CTNNA2: variants seen among roughly 807,000 people sequenced by gnomAD.
CTNNA2 encodes catenin alpha-2.
In CTNNA2, 42 loss-of-function variants were observed where a neutral mutation model predicts 101.0. That is an observed-to-expected ratio of 0.42 (90% CI 0.32 to 0.54). The LOEUF is 0.54. CTNNA2 is among the 20% of genes least tolerant of loss of function. The probability of loss-of-function intolerance (pLI) is 0.14; values close to 1 mark genes in which losing one functional copy is unlikely to be tolerated. For missense variants in CTNNA2, 871 were observed against 1,223.1 expected (o/e 0.71, Z 4.29); for synonymous variants, 450 against 456.4 (o/e 0.99, Z 0.18).
chr2:79,964,017 T>C (rs1689845429), intron 7 of CTNNA2, among the ~76,000 whole-genome samples: 7 of 152,140 alleles, frequency 4.6e-5, no homozygotes, highest in Admixed American at 4.6e-4. Context: ...AAATTTAACA[T>C]CAAACCTGTG....
intron 14 of CTNNA2, among the ~76,000 whole-genome samples, chr2:80,584,199 C>G (rs910471927): frequency 6.6e-6 from 1 of 152,080 alleles, no homozygotes; most frequent in African/African-American, 2.4e-5. Context: ...ATTTGCTCTT[C>G]CCTGCAGCAA....
In CTNNA2 at chr2:80,642,478, A is replaced by G. The variant is rs182733206; in HGVS notation, c.2575-5107A>G. Among the ~76,000 whole-genome samples, 284 of 152,320 alleles carry G rather than the reference A, an allele frequency of 1.9e-3. 3 individuals carry two copies. Among genetic ancestry groups the G allele is most frequent in the Non-Finnish European group, 7.9e-4 (54 of 68,034 alleles). On this transcript the variant is annotated intron_variant, in intron 18 of 18. Coordinates refer to ENST00000402739, the MANE Select transcript of CTNNA2 (RefSeq NM_001282597.3). ...CACTTAAGCACAGTAGTTGGCAGAA[A>G]GTATTCAGTAGGTGTCTGAAGAAAT...
In CTNNA2 at chr2:79,282,830, C is replaced by T. The variant is rs1208973705; in HGVS notation, c.-405-29879C>T. Among the ~76,000 whole-genome samples the T allele has an allele frequency of 1.7e-4, 18 of 104,334 alleles. 3 individuals are homozygous for T. The highest frequency in any genetic ancestry group is 4.8e-4 in the African/African-American group (17 of 35,760). 68.4% of individuals were successfully genotyped at this position (104,334 alleles called of 152,430 possible). A position where few individuals can be genotyped will look rare whatever the true frequency, so the allele number is the denominator to read the frequency against. On this transcript the variant is annotated intron_variant, in intron 2 of 21. Coordinates refer to the CTNNA2 transcript ENST00000466387. ...TAGTTCTAGATCCCTGAGGAATCAC[C>T]ACACTGACTTCCACAATGGTTGAAC... is the stretch of plus-strand genomic sequence containing the variant.
chr2:80,640,117 CAAAA>C (rs374266410), intron 18 of CTNNA2, among the ~76,000 whole-genome samples: 1 of 151,746 alleles, frequency 6.6e-6, no homozygotes, highest in African/African-American at 2.4e-5. Flanking sequence ...AACAAAAAAA[CAAAA>C]AAGTCAGTAT....
chr2:79,835,440 G>A (rs901699502), intron 3 of CTNNA2, among the ~76,000 whole-genome samples: 1 of 152,096 alleles, frequency 6.6e-6, no homozygotes, highest in Non-Finnish European at 1.5e-5. Flanking sequence ...GACTACTAGA[G>A]TGACATATGA....
intron 2 of CTNNA2, among the ~76,000 whole-genome samples, chr2:79,306,830 G>A (rs1161509740): frequency 2.0e-5 from 3 of 152,146 alleles, no homozygotes; most frequent in Non-Finnish European, 2.9e-5. Flanking sequence ...ATAAGATGAT[G>A]TATTAACATT....
At chr2:79,330,479 C>T (rs913234693) in intron 3 of CTNNA2, among the ~76,000 whole-genome samples, 6 of 152,132 alleles carry the variant, frequency 3.9e-5, no homozygotes, top group African/African-American at 1.2e-4. Context: ...ACTTTGTCTC[C>T]TCAGCAGCCT....
At chr2:80,009,867 A>G (rs1162962224) in intron 7 of CTNNA2, among the ~76,000 whole-genome samples, 1 of 152,102 alleles carries the variant, frequency 6.6e-6, no homozygotes, top group Admixed American at 6.6e-5. Flanking sequence ...AACATTTTAT[A>G]AAAGAGATTA....
rs1180175393 is a variant in CTNNA2 at position 79,477,219 on chromosome 2, G to A, written c.-134-27835G>A. ...CAAGTCTCACTCTGTTGCCCAGGCTGGAGTACAGTGGCGCAATCTCAGCTC... is the reference window on the plus strand; with the variant it reads ...CAAGTCTCACTCTGTTGCCCAGGCTAGAGTACAGTGGCGCAATCTCAGCTC... On this transcript the variant is annotated intron_variant, in intron 4 of 21. Coordinates refer to the CTNNA2 transcript ENST00000466387. Among the ~76,000 whole-genome samples the A allele has an allele frequency of 2.1e-5, 3 of 144,766 alleles. No homozygotes were observed. The East Asian group carries it at 6.1e-4, about 29-fold the overall frequency. The allele number at this position is 144,766 out of a possible 152,430, so 95.0% of individuals were successfully genotyped here.
intron 3 of CTNNA2, among the ~76,000 whole-genome samples, chr2:79,773,146 A>C (rs989804579): frequency 1.3e-5 from 2 of 152,200 alleles, no homozygotes; most frequent in Admixed American, 6.5e-5. Flanking sequence ...CATAACCCAT[A>C]AACTGGACAT....
intron 1 of CTNNA2, among the ~76,000 whole-genome samples, chr2:79,518,633 T>C (rs376269471): frequency 6.6e-6 from 1 of 152,186 alleles, no homozygotes; most frequent in East Asian, 1.9e-4. Flanking sequence ...TCCCATGTTT[T>C]ATTTGTAAGC....
At chr2:80,007,025 G>A (rs1164825844) in intron 7 of CTNNA2, among the ~76,000 whole-genome samples, 1 of 151,906 alleles carries the variant, frequency 6.6e-6, no homozygotes, top group Non-Finnish European at 1.5e-5. Context: ...TATAAATCTG[G>A]TACTTTGTAA....
chr2:79,645,416 T>G lies in CTNNA2; in HGVS notation c.-5-6136T>G, dbSNP rs1680749649. ...TATTTTATTCATGGAAAAAGCAATT[T>G]AATGTACAGGAGACTCAGTACTAAT... On this transcript the variant is annotated intron_variant, in intron 1 of 18. Coordinates refer to ENST00000402739, the MANE Select transcript of CTNNA2 (RefSeq NM_001282597.3). Among the ~76,000 whole-genome samples, 4 of 152,284 alleles carry G rather than the reference T, an allele frequency of 2.6e-5. No individual in the cohort carries two copies. The South Asian group carries it at 8.3e-4, about 32-fold the overall frequency.
chr2:79,452,303 A>G (rs988010263), intron 4 of CTNNA2, among the ~76,000 whole-genome samples: 20 of 151,886 alleles, frequency 1.3e-4, no homozygotes, highest in African/African-American at 4.8e-4. Context: ...CTTACTTTGG[A>G]GAATCCTTCA....
intron 9 of CTNNA2, among the ~76,000 whole-genome samples, chr2:80,473,217 C>G (rs559425758): frequency 6.6e-6 from 1 of 152,134 alleles, no homozygotes; most frequent in Admixed American, 6.5e-5. Flanking sequence ...GGCTCCTCAG[C>G]GATTGAGCTG....
intron 2 of CTNNA2, among the ~76,000 whole-genome samples, chr2:79,685,414 T>G (rs1301989173): frequency 1.3e-5 from 2 of 152,122 alleles, no homozygotes; most frequent in Non-Finnish European, 2.9e-5. Flanking sequence ...TTATCTTAAC[T>G]GACTCAAATG....
chr2:79,285,405 C>A (rs1675540937), intron 2 of CTNNA2, among the ~76,000 whole-genome samples: 1 of 148,902 alleles, frequency 6.7e-6, no homozygotes, highest in Non-Finnish European at 1.5e-5. Flanking sequence ...CTATAAATTT[C>A]CCTCTACACA....
rs574456821 is a variant in CTNNA2 at position 80,188,289 on chromosome 2, G to T, written c.1057-204922G>T. 7.9e-5 allele frequency among the ~76,000 whole-genome samples: 12 copies of T among 152,268 alleles called. No individual in the cohort carries two copies. In the South Asian group the frequency reaches 2.3e-3, roughly 29 times the overall value. ...GTGAAGATCCTTGCAAGGGAGAAAA[G>T]TTACAAAATAAGAAGATTTTTTAGT... On this transcript the variant is annotated intron_variant, in intron 7 of 18. Transcript: ENST00000402739.
At position 80,302,022 on chromosome 2, in the gene CTNNA2, A is replaced by G. The variant is rs1676368799; in HGVS notation, c.1057-91189A>G. The G allele has an allele frequency of 4.1e-6, 2 of 486,068 alleles. No individual in the cohort carries two copies. The highest frequency in any genetic ancestry group is 5.3e-4 in the Middle Eastern group (1 of 1,902). The allele number at this position is 486,068 out of a possible 1,614,324, so 30.1% of individuals were successfully genotyped here. ...GGAGTTCTCATATGAAATTTAAGAT[A>G]GACTGTCCTGAAGGTTGTGGGGTGG... On this transcript the variant is annotated intron_variant, in intron 7 of 18. Coordinates refer to ENST00000402739, the MANE Select transcript of CTNNA2 (RefSeq NM_001282597.3). This position sits in a 1 kb window ranked among gnomAD's most constrained non-coding sequence, Gnocchi z 6.4.
Sources: gnomAD v4.1 joint callset for allele counts (sites outside exome capture counted in the v4.1 genomes callset) on GRCh38, gnomAD v4.1.1 for gene constraint, Gnocchi (gnomAD v3.1) non-coding constraint, MANE v1.5 for transcripts, NCBI Gene and HGNC (gene_info 2026-07-23, HGNC 2026-07-21) for gene names.